CCDC192: variants seen among roughly 807,000 people sequenced by gnomAD.
CCDC192 encodes coiled-coil domain containing 192.
At position 127,722,996 on chromosome 5, in the gene CCDC192, T is replaced by C. The variant is rs1026728995; in HGVS notation, c.114+15236T>C. Among the ~76,000 whole-genome samples the C allele has an allele frequency of 4.6e-5, 7 of 152,202 alleles. No homozygotes were observed. The South Asian group carries it at 1.4e-3, about 32-fold the overall frequency. ...TTTTTTTTAAATTCTGAGAAGAATT[T>C]CGTTGTCATTTTGTTAGAGATTGCA... On this transcript the variant is annotated intron_variant, in intron 2 of 6. Coordinates refer to ENST00000514853, the MANE Select transcript of CCDC192 (RefSeq NM_001317938.2).
chr5:127,791,304 G>C (rs1289857277), intron 3 of CCDC192, among the ~76,000 whole-genome samples: 1 of 152,162 alleles, frequency 6.6e-6, no homozygotes, highest in South Asian at 2.1e-4. Flanking sequence ...AAAAGCCAAA[G>C]AAAGATAAAC....
chr5:127,713,500 C>T (rs1192940850), intron 2 of CCDC192, among the ~76,000 whole-genome samples: 1 of 152,116 alleles, frequency 6.6e-6, no homozygotes, highest in African/African-American at 2.4e-5. Context: ...TTTCTCCTGT[C>T]TGTACCTGGT....
At chr5:127,932,270 T>G (rs1014706950) in intron 6 of CCDC192, among the ~76,000 whole-genome samples, 2 of 151,834 alleles carry the variant, frequency 1.3e-5, no homozygotes, top group African/African-American at 4.8e-5. Context: ...AATGGCACGA[T>G]CTTGGCTCAC....
intron 1 of CCDC192, 74 bp downstream of exon 1, chr5:127,703,581 TA>T (rs555555148): frequency 2.1e-4 from 84 of 391,494 alleles, no homozygotes; most frequent in South Asian, 2.7e-4. Flanking sequence ...ACTCAGTACT[TA>T]AAAAAAAATC....
chr5:127,893,760 G>A (rs907783506), intron 6 of CCDC192, among the ~76,000 whole-genome samples: 10 of 152,200 alleles, frequency 6.6e-5, no homozygotes, highest in Admixed American at 6.5e-5. Flanking sequence ...TTAAGTATGT[G>A]TGGGGACGGG....
At chr5:127,749,124 C>T (rs925919173) in intron 2 of CCDC192, among the ~76,000 whole-genome samples, 3 of 152,058 alleles carry the variant, frequency 2.0e-5, no homozygotes, top group African/African-American at 4.8e-5. Flanking sequence ...TGCCTAATTG[C>T]CCTGGCCAGA....
intron 5 of CCDC192, among the ~76,000 whole-genome samples, chr5:127,800,404 A>AC (rs1561495870): frequency 9.0e-6 from 1 of 110,856 alleles, no homozygotes; most frequent in Non-Finnish European, 2.0e-5. Flanking sequence ...AAAAAAAACA[A>AC]CAACAACAAA....
chr5:127,827,146 G>C (rs979789384), intron 5 of CCDC192, among the ~76,000 whole-genome samples: 1 of 152,198 alleles, frequency 6.6e-6, no homozygotes, highest in African/African-American at 2.4e-5. Flanking sequence ...TTGTAGGGCT[G>C]TCTGGGCCAG....
chr5:127,785,402 C>T, intron 3 of CCDC192: 1 of 403,350 alleles, frequency 2.5e-6, no homozygotes, highest in Non-Finnish European at 4.9e-6. Context: ...GATCTTTGCT[C>T]ACACCAGTGT....
chr5:127,750,585 A>T (rs1303037509), intron 2 of CCDC192, among the ~76,000 whole-genome samples: 1 of 149,778 alleles, frequency 6.7e-6, no homozygotes, highest in African/African-American at 2.5e-5. Context: ...AAAAATGTAT[A>T]TTCTGTTGAT....
At chr5:127,921,209 G>C (rs1051847421) in intron 6 of CCDC192, among the ~76,000 whole-genome samples, 3 of 150,776 alleles carry the variant, frequency 2.0e-5, no homozygotes, top group Admixed American at 6.6e-5. Flanking sequence ...GAAAGAAAGA[G>C]AGTAGTGGAG....
intron 6 of CCDC192, among the ~76,000 whole-genome samples, chr5:127,890,545 C>T (rs1343960685): frequency 6.6e-6 from 1 of 151,776 alleles, no homozygotes; most frequent in Non-Finnish European, 1.5e-5. Context: ...TCTAGAGCTT[C>T]GTTATCTAAT....
intron 2 of CCDC192, among the ~76,000 whole-genome samples, chr5:127,740,604 T>C (rs975383707): frequency 6.6e-6 from 1 of 152,182 alleles, no homozygotes; most frequent in Non-Finnish European, 1.5e-5. Flanking sequence ...ATTAATTTTT[T>C]AAATTTTTTA....
chr5:127,835,359 T>A (rs564455469), intron 5 of CCDC192, among the ~76,000 whole-genome samples: 2 of 152,342 alleles, frequency 1.3e-5, no homozygotes, highest in Non-Finnish European at 2.9e-5. Context: ...TCTCAGCATG[T>A]TCCTTTTGCC....
chr5:127,870,654 T>A (rs1229706979), intron 5 of CCDC192, among the ~76,000 whole-genome samples: 3 of 152,166 alleles, frequency 2.0e-5, no homozygotes, highest in African/African-American at 7.2e-5. Flanking sequence ...ACTAAACGAT[T>A]GTGAATCCAG....
rs1486276863 is a variant in CCDC192, at chr5:127,836,689, G to A, written c.411+38527G>A. On this transcript the variant is annotated intron_variant, in intron 5 of 6. Transcript: ENST00000514853. Reference sequence around the variant, plus strand: ...CCAAGGCTTGGGGATAGGACCCACTGAAGCAATGGCCTTAGCTGTATGTTG... The same window carrying A: ...CCAAGGCTTGGGGATAGGACCCACTAAAGCAATGGCCTTAGCTGTATGTTG... 1.1e-4 allele frequency among the ~76,000 whole-genome samples: 2 copies of A among 18,296 alleles called. 1 individual carries two copies. The highest frequency in any genetic ancestry group is 2.2e-3 in the East Asian group (2 of 910). The allele number at this position is 18,296 out of a possible 152,430, so 12.0% of individuals were successfully genotyped here. A position where few individuals can be genotyped will look rare whatever the true frequency, so the allele number is the denominator to read the frequency against.
At chr5:127,861,257 C>G (rs1253934004) in intron 5 of CCDC192, among the ~76,000 whole-genome samples, 1 of 151,754 alleles carries the variant, frequency 6.6e-6, no homozygotes, top group Admixed American at 6.5e-5. Flanking sequence ...ATCCGCCTGC[C>G]TCGGCCTCCC....
intron 5 of CCDC192, among the ~76,000 whole-genome samples, chr5:127,800,212 A>G (rs925324047): frequency 6.6e-6 from 1 of 151,878 alleles, no homozygotes; most frequent in Admixed American, 6.6e-5. Context: ...TCAGCAGTTC[A>G]TAATGCTTCA....
At chr5:127,786,521 T>G (rs1756546802) in intron 3 of CCDC192, 1 of 636,766 alleles carries the variant, frequency 1.6e-6, no homozygotes. Context: ...ATTTCTTACC[T>G]GTTTATTCAG....
Sources: allele counts gnomAD v4.1 joint callset (sites outside exome capture counted in the v4.1 genomes callset), GRCh38; gene constraint gnomAD v4.1.1; transcripts MANE v1.5; gene names NCBI Gene and HGNC (gene_info 2026-07-23, HGNC 2026-07-21).